The following SULT1B1 variants were observed in gnomAD, a reference collection of about 807,000 sequenced individuals.
The protein encoded by SULT1B1 is sulfotransferase 1B1.
In SULT1B1, 28 loss-of-function variants were observed where a neutral mutation model predicts 34.6. That is an observed-to-expected ratio of 0.81 (90% CI 0.60 to 1.11). The LOEUF is 1.11. Among genes scored for constraint, SULT1B1 ranks in the 50% least tolerant of loss-of-function variants. The pLI is 0.00. For missense variants in SULT1B1, 374 were observed against 352.2 expected, an observed-to-expected ratio of 1.06 and a Z score of -0.50; for synonymous variants, 147 against 110.2, an observed-to-expected ratio of 1.33 and a Z score of -2.09.
At chr4:69,727,755 G>T (rs1717892467) in intron 7 of SULT1B1, among the ~76,000 whole-genome samples, 1 of 151,816 alleles carries the variant, frequency 6.6e-6, no homozygotes, top group South Asian at 2.1e-4. Context: ...TAATTTAGGT[G>T]GGAATAATAA....
intron 1 of SULT1B1, among the ~76,000 whole-genome samples, chr4:69,756,330 G>C (rs933568692): frequency 6.6e-6 from 1 of 151,954 alleles, no homozygotes; most frequent in South Asian, 2.1e-4. Flanking sequence ...ACTTCTTCTT[G>C]ATTAGAAGCT....
chr4:69,752,561 T>G (rs1320294665), intron 3 of SULT1B1, among the ~76,000 whole-genome samples: 1 of 152,238 alleles, frequency 6.6e-6, no homozygotes, highest in African/African-American at 2.4e-5. Context: ...CTGAACTTAA[T>G]GGCTTAGGAA....
At chr4:69,741,996 C>G (rs1424471841) in intron 4 of SULT1B1, among the ~76,000 whole-genome samples, 1 of 152,032 alleles carries the variant, frequency 6.6e-6, no homozygotes, top group Non-Finnish European at 1.5e-5. Context: ...TTTTCCTGTT[C>G]AGTGTGTTGG....
intron 3 of SULT1B1, 51 bp downstream of exon 3, chr4:69,754,619 T>C: frequency 1.3e-6 from 2 of 1,572,896 alleles, no homozygotes; most frequent in East Asian, 2.3e-5. Context: ...ATAATGCATA[T>C]GCTGTCTAAA....
At chr4:69,755,495 A>G (rs537096599) in intron 1 of SULT1B1, among the ~76,000 whole-genome samples, 1 of 152,232 alleles carries the variant, frequency 6.6e-6, no homozygotes, top group African/African-American at 2.4e-5. Context: ...ATGAAACTGC[A>G]TATCTCTCTT....
chr4:69,753,633 G>C (rs770555768), intron 3 of SULT1B1, among the ~76,000 whole-genome samples: 4 of 152,044 alleles, frequency 2.6e-5, no homozygotes, highest in Non-Finnish European at 4.4e-5. Flanking sequence ...TGTATCCTGG[G>C]ATATTCTTTC....
intron 5 of SULT1B1, 91 bp downstream of exon 5, chr4:69,734,047 A>G: frequency 8.9e-7 from 1 of 1,122,580 alleles, no homozygotes. Flanking sequence ...CTAGATTGGA[A>G]AAATAAGTAT....
chr4:69,723,129 A>G lies in SULT1B1; in HGVS notation c.*3959T>C, dbSNP rs921066263. ...ACAAAATTGATAGACCACCAGCAAG[A>G]CTAATAAAGAAGAAAAGAGAGAAGA... is the stretch of plus-strand genomic sequence containing the variant. On this transcript the variant is annotated 3_prime_UTR_variant, in exon 8 of 8. Coordinates refer to ENST00000310613, the MANE Select transcript of SULT1B1 (RefSeq NM_014465.4). The G allele has an allele frequency of 5.9e-5, 9 of 152,134 alleles. No individual in the cohort carries two copies. The highest frequency in any genetic ancestry group is 1.2e-4 in the Non-Finnish European group (8 of 68,028). 9.4% of individuals were successfully genotyped at this position (152,134 alleles called of 1,614,324 possible).
At chr4:69,747,170 T>C (rs1003163338) in intron 4 of SULT1B1, among the ~76,000 whole-genome samples, 2 of 151,616 alleles carry the variant, frequency 1.3e-5, no homozygotes, top group African/African-American at 2.4e-5. Flanking sequence ...CATGGGAGAG[T>C]GTAATCCAAC....
At chr4:69,732,803 A>T (rs189819725) in intron 6 of SULT1B1, among the ~76,000 whole-genome samples, 1 of 151,922 alleles carries the variant, frequency 6.6e-6, no homozygotes, top group East Asian at 1.9e-4. Flanking sequence ...ATGTTTTGAA[A>T]GATACAATAG....
rs368350182 is a variant in SULT1B1, at chr4:69,725,245, A to G, written c.*1843T>C. The stretch of plus-strand genomic sequence containing the variant: ...AGATACTTCTCAAAAGAAGACATTT[A>G]TGCAGCCAACAGACACATGAAAAAA... On this transcript the variant is annotated 3_prime_UTR_variant, in exon 8 of 8. Transcript: ENST00000310613. 9 of 152,350 alleles carry G rather than the reference A, an allele frequency of 5.9e-5. No homozygotes were observed. In the East Asian group the frequency reaches 1.2e-3, roughly 20 times the overall value. 9.4% of individuals were successfully genotyped at this position (152,350 alleles called of 1,614,324 possible).
At position 69,733,435 on chromosome 4, in the gene SULT1B1, A is replaced by G; in HGVS notation, c.575T>C (p.Leu192Ser). 1 of 1,600,858 alleles carries G rather than the reference A, an allele frequency of 6.2e-7. No individual in the cohort carries two copies. The highest frequency in any genetic ancestry group is 8.5e-7 in the Non-Finnish European group (1 of 1,173,184). ...TACCTCTTTCATATCTTCATAGTAC[A>G]AAAAAAGTATTGGGTGTTCTTCCTT... Reference protein sequence around the residue: ...KKKEEHPILFLYYEDMKENPK... With the variant: ...KKKEEHPILFSYYEDMKENPK... The change falls in exon 6 of 8, where the codon TTG becomes TCG. Residue 192 changes from leucine (L) to serine (S), a missense_variant. Leu to Ser is a moderately radical substitution (Grantham distance 145, BLOSUM62 -2). Coordinates refer to ENST00000310613, the MANE Select transcript of SULT1B1 (RefSeq NM_014465.4).
At chr4:69,759,060 G>A (rs1488230579) in intron 1 of SULT1B1, among the ~76,000 whole-genome samples, 2 of 152,172 alleles carry the variant, frequency 1.3e-5, no homozygotes, top group Non-Finnish European at 1.5e-5. Context: ...TAATGATACA[G>A]GGTGTAAGTA....
intron 1 of SULT1B1, among the ~76,000 whole-genome samples, chr4:69,758,102 G>A (rs979053364): frequency 2.0e-5 from 3 of 152,144 alleles, no homozygotes; most frequent in Non-Finnish European, 4.4e-5. Context: ...TAGTCTTGTA[G>A]AAAAGATTCT....
intron 3 of SULT1B1, among the ~76,000 whole-genome samples, chr4:69,751,347 A>AATCATTTTGCC (rs2110029924): frequency 6.6e-6 from 1 of 152,330 alleles, no homozygotes; most frequent in South Asian, 2.1e-4. Flanking sequence ...CCTATTTTGC[A>AATCATTTTGCC]ATCATTTTGC....
At position 69,723,734 on chromosome 4, in the gene SULT1B1, T is replaced by C. The variant is rs1404709194; in HGVS notation, c.*3354A>G. Reference sequence around the variant, plus strand: ...GGCTGGTTCAACATATGCAAATCAATAAATGTAATCCAGCATATAAACAGA... The same window carrying C: ...GGCTGGTTCAACATATGCAAATCAACAAATGTAATCCAGCATATAAACAGA... On this transcript the variant is annotated 3_prime_UTR_variant, in exon 8 of 8. Coordinates refer to ENST00000310613, the MANE Select transcript of SULT1B1 (RefSeq NM_014465.4). 3 of 152,146 alleles carry C rather than the reference T, an allele frequency of 2.0e-5. No individual in the cohort carries two copies. Among genetic ancestry groups the C allele is most frequent in the Non-Finnish European group, 4.4e-5 (3 of 68,030 alleles). The allele number at this position is 152,146 out of a possible 1,614,324, so 9.4% of individuals were successfully genotyped here.
chr4:69,743,774 C>A (rs950187417), intron 4 of SULT1B1, among the ~76,000 whole-genome samples: 2 of 152,220 alleles, frequency 1.3e-5, no homozygotes, highest in Non-Finnish European at 2.9e-5. Context: ...AGCACCCGGG[C>A]TTGGTGTCAA....
intron 3 of SULT1B1, among the ~76,000 whole-genome samples, chr4:69,754,144 A>G (rs1490839514): frequency 6.6e-6 from 1 of 152,202 alleles, no homozygotes; most frequent in Non-Finnish European, 1.5e-5. Flanking sequence ...AAGACTATGA[A>G]CATTGACATA....
rs1717707659 is a variant in SULT1B1, at chr4:69,723,186, G to A, written c.*3902C>T. The A allele has an allele frequency of 6.6e-6, 1 of 151,012 alleles. No homozygotes were observed. Among genetic ancestry groups the A allele is most frequent in the South Asian group, 2.1e-4 (1 of 4,740 alleles). The allele number at this position is 151,012 out of a possible 1,614,324, so 9.4% of individuals were successfully genotyped here. A position where few individuals can be genotyped will look rare whatever the true frequency, so the allele number is the denominator to read the frequency against. Reference sequence around the variant, plus strand: ...TAGATGCAATAAAAAAAGATAAAGGGGATATCACCACCGATGATCCCACAG... The same window carrying A: ...TAGATGCAATAAAAAAAGATAAAGGAGATATCACCACCGATGATCCCACAG... On this transcript the variant is annotated 3_prime_UTR_variant, in exon 8 of 8. Transcript: ENST00000310613.
Sources: allele counts gnomAD v4.1 joint callset (sites outside exome capture counted in the v4.1 genomes callset), GRCh38; gene constraint gnomAD v4.1.1; transcripts MANE v1.5; gene names NCBI Gene and HGNC (gene_info 2026-07-23, HGNC 2026-07-21).